The following GPR158 variants were observed in gnomAD, a reference collection of about 807,000 sequenced individuals.
The protein encoded by GPR158 is G protein-coupled receptor 158.
GPR158 carries 30 observed loss-of-function variants against 78.2 expected under a neutral mutation model. The observed-to-expected ratio is 0.38, with a 90% confidence interval of 0.29 to 0.52. The LOEUF (loss-of-function observed/expected upper bound fraction) is 0.52, where lower values mean the gene tolerates loss of function less well. Among genes scored for constraint, GPR158 ranks in the 20% least tolerant of loss-of-function variants. GPR158 has a pLI of 0.83. For missense variants in GPR158, 1,463 were observed against 1,523.5 expected (o/e 0.96, Z 0.66); for synonymous variants, 581 against 591.1 (o/e 0.98, Z 0.25).
intron 4 of GPR158, among the ~76,000 whole-genome samples, chr10:25,444,367 A>G (rs1835109290): frequency 6.7e-6 from 1 of 148,448 alleles, no homozygotes; most frequent in African/African-American, 2.5e-5. Flanking sequence ...TGCGTGCGGT[A>G]GTTGTGTGTG....
At chr10:25,465,379 A>G (rs569980638) in intron 4 of GPR158, among the ~76,000 whole-genome samples, 1 of 152,352 alleles carries the variant, frequency 6.6e-6, no homozygotes, top group African/African-American at 2.4e-5. Context: ...TGAATTCATT[A>G]AAGCAAAATT....
rs190914366 is a variant in GPR158, at chr10:25,263,069, A to G, written c.1008+41912A>G. Among the ~76,000 whole-genome samples, 538 of 152,260 alleles carry G rather than the reference A, an allele frequency of 3.5e-3. 2 individuals carry two copies. Among genetic ancestry groups the G allele is most frequent in the African/African-American group, 0.013 (525 of 41,570 alleles). On this transcript the variant is annotated intron_variant, in intron 2 of 10. Coordinates refer to ENST00000376351, the MANE Select transcript of GPR158 (RefSeq NM_020752.3). ...TAATTTTAATGAAGACCAGCTTATC[A>G]ACTATTTCTTCCATGGATTGTGTCT...
chr10:25,589,181 A>G, intron 8 of GPR158, 36 bp downstream of exon 8: 1 of 1,493,648 alleles, frequency 6.7e-7, no homozygotes, highest in South Asian at 1.2e-5. Flanking sequence ...TAACTATTTT[A>G]TTTTTCTGAT....
chr10:25,211,442 A>G (rs972072646), intron 1 of GPR158, among the ~76,000 whole-genome samples: 1 of 152,180 alleles, frequency 6.6e-6, no homozygotes, highest in African/African-American at 2.4e-5. Flanking sequence ...TGAAAGGACA[A>G]AAGAGCCTAC....
At chr10:25,177,193 G>A (rs1852549465) in intron 1 of GPR158, among the ~76,000 whole-genome samples, 1 of 152,210 alleles carries the variant, frequency 6.6e-6, no homozygotes, top group African/African-American at 2.4e-5. Context: ...TAGCATTTGA[G>A]GGAAGCAGAG....
At position 25,302,176 on chromosome 10, in the gene GPR158, G is replaced by A. The variant is rs554765684; in HGVS notation, c.1008+81019G>A. Among the ~76,000 whole-genome samples the A allele has an allele frequency of 5.5e-5, 8 of 145,844 alleles. No individual in the cohort carries two copies. In the South Asian group the frequency reaches 1.3e-3, roughly 24 times the overall value. On this transcript the variant is annotated intron_variant, in intron 2 of 10. Transcript: ENST00000376351. ...AAGCTCCGCCTCCCAGGTTCACGCC[G>A]TTCTCCTGCCTCAGCCTCCCGAGTA...
chr10:25,329,472 G>A (rs1214776319), intron 2 of GPR158, among the ~76,000 whole-genome samples: 2 of 151,488 alleles, frequency 1.3e-5, no homozygotes, highest in Non-Finnish European at 1.5e-5. Context: ...TTTTATTTTC[G>A]TTGCTTGGCC....
chr10:25,496,814 A>T (rs1835887386), intron 5 of GPR158, among the ~76,000 whole-genome samples: 1 of 152,216 alleles, frequency 6.6e-6, no homozygotes, highest in South Asian at 2.1e-4. Context: ...AGTCTACGGG[A>T]AATTATACAC....
chr10:25,244,359 T>C (rs1393450722), intron 2 of GPR158, among the ~76,000 whole-genome samples: 1 of 152,190 alleles, frequency 6.6e-6, no homozygotes, highest in Non-Finnish European at 1.5e-5. Context: ...CAGGAGCCAC[T>C]GCCTTTTCTT....
intron 4 of GPR158, among the ~76,000 whole-genome samples, chr10:25,421,418 G>T (rs947489): frequency 6.6e-6 from 1 of 151,942 alleles, no homozygotes; most frequent in Non-Finnish European, 1.5e-5. Context: ...ATACATAAAA[G>T]CTGGTCTAAT....
intron 3 of GPR158, among the ~76,000 whole-genome samples, chr10:25,411,931 CACAAAAAAAAAAAA>C (rs1834591371): frequency 2.9e-5 from 1 of 34,394 alleles, no homozygotes; most frequent in Non-Finnish European, 4.5e-5. Context: ...GAGACTCTAT[CACAAAAAAAAAAAA>C]AAAAAAAAAA....
At chr10:25,434,202 C>T (rs181501253) in intron 4 of GPR158, among the ~76,000 whole-genome samples, 6 of 152,126 alleles carry the variant, frequency 3.9e-5, no homozygotes, top group Non-Finnish European at 7.4e-5. Flanking sequence ...ATTTAAATAA[C>T]CTGCTACTCC....
At chr10:25,277,253 A>G (rs1854197897) in intron 2 of GPR158, among the ~76,000 whole-genome samples, 1 of 152,156 alleles carries the variant, frequency 6.6e-6, no homozygotes, top group African/African-American at 2.4e-5. Flanking sequence ...TGCTCAGCTC[A>G]CCTATTCATT....
chr10:25,294,472 C>T (rs1324932032), intron 2 of GPR158, among the ~76,000 whole-genome samples: 1 of 152,166 alleles, frequency 6.6e-6, no homozygotes, highest in Non-Finnish European at 1.5e-5. Context: ...CTGAGTCGTG[C>T]TTGTGACTCA....
chr10:25,507,692 A>T (rs1286823393), intron 5 of GPR158, among the ~76,000 whole-genome samples: 1 of 152,198 alleles, frequency 6.6e-6, no homozygotes, highest in African/African-American at 2.4e-5. Context: ...CTGACATGAC[A>T]ATCACTCTGG....
At chr10:25,382,360 G>A (rs776002328) in intron 2 of GPR158, among the ~76,000 whole-genome samples, 3 of 152,102 alleles carry the variant, frequency 2.0e-5, no homozygotes, top group Non-Finnish European at 4.4e-5. Context: ...CTATCCCTTA[G>A]CCCTGTTTTG....
intron 2 of GPR158, among the ~76,000 whole-genome samples, chr10:25,307,880 T>C (rs569871611): frequency 1.3e-5 from 2 of 152,348 alleles, no homozygotes; most frequent in South Asian, 2.1e-4. Context: ...TGTGTATTTA[T>C]ATTTTGAAAG....
At chr10:25,566,166 A>T (rs1408373206) in intron 6 of GPR158, among the ~76,000 whole-genome samples, 1 of 152,140 alleles carries the variant, frequency 6.6e-6, no homozygotes, top group Non-Finnish European at 1.5e-5. Flanking sequence ...AGCATAGATA[A>T]GTTCTGCTGG....
intron 1 of GPR158, among the ~76,000 whole-genome samples, chr10:25,208,690 C>T (rs531027596): frequency 1.3e-5 from 2 of 151,936 alleles, no homozygotes; most frequent in African/African-American, 4.8e-5. Context: ...CGACATTTCC[C>T]GACCACATGG....
Sources: allele counts gnomAD v4.1 joint callset (sites outside exome capture counted in the v4.1 genomes callset), GRCh38; gene constraint gnomAD v4.1.1; transcripts MANE v1.5; gene names NCBI Gene and HGNC (gene_info 2026-07-23, HGNC 2026-07-21).